Variants in DPH6 observed in about 807,000 individuals in gnomAD.
The protein encoded by DPH6 is diphthamine biosynthesis 6.
DPH6 carries 33 observed loss-of-function variants against 38.2 expected under a neutral mutation model. The observed-to-expected ratio is 0.86, with a 90% CI of 0.65 to 1.15. The LOEUF is 1.15. DPH6 is among the 50% of genes most tolerant of loss of function. DPH6 has a pLI of 0.00. For synonymous variants in DPH6, 108 were observed against 103.0 expected, an observed-to-expected ratio of 1.05 and a Z score of -0.30; for missense variants, 325 against 320.0, an observed-to-expected ratio of 1.02 and a Z score of -0.12.
At chr15:35,520,371 A>T (rs1337603251) in intron 3 of DPH6, 13 of 982,870 alleles carry the variant, frequency 1.3e-5, no homozygotes, top group African/African-American at 1.7e-5. Context: ...ATTATACAAC[A>T]GTATCAGGAT....
chr15:35,258,393 A>G (rs952153915), intron 3 of DPH6, among the ~76,000 whole-genome samples: 2 of 152,220 alleles, frequency 1.3e-5, no homozygotes, highest in African/African-American at 2.4e-5. Flanking sequence ...TCACTGTGAC[A>G]TTAGTTGGCT....
intron 3 of DPH6, chr15:35,282,960 G>A: frequency 3.3e-6 from 1 of 304,028 alleles, no homozygotes; most frequent in South Asian, 4.0e-5. Context: ...TTCAGGCTTG[G>A]CCTGCACATC....
intron 3 of DPH6, among the ~76,000 whole-genome samples, chr15:35,266,025 C>CAAAA (rs2051782202): frequency 6.6e-6 from 1 of 152,094 alleles, no homozygotes. Context: ...GTGTCCTTTA[C>CAAAA]AAAATGTTCT....
intron 6 of DPH6, among the ~76,000 whole-genome samples, chr15:35,409,183 G>C (rs966549131): frequency 6.6e-6 from 1 of 151,630 alleles, no homozygotes; most frequent in Admixed American, 6.6e-5. Flanking sequence ...TAGTAGGGGT[G>C]GTGCTGGGGT....
downstream of DPH6, among the ~76,000 whole-genome samples, chr15:35,329,882 G>C (rs1376202275): frequency 6.6e-6 from 1 of 152,054 alleles, no homozygotes; most frequent in East Asian, 1.9e-4. Context: ...GAAAGAAATA[G>C]GCTGCTGGAC....
intron 3 of DPH6, among the ~76,000 whole-genome samples, chr15:35,307,680 G>C (rs1013427918): frequency 6.6e-6 from 1 of 152,044 alleles, no homozygotes; most frequent in African/African-American, 2.4e-5. Context: ...AAAGGACCAT[G>C]CTACTACTTT....
At chr15:35,307,969 T>C (rs1406884227) in intron 3 of DPH6, among the ~76,000 whole-genome samples, 2 of 152,086 alleles carry the variant, frequency 1.3e-5, no homozygotes, top group Non-Finnish European at 2.9e-5. Context: ...ACAATTAACC[T>C]CTGAGGAAAT....
At chr15:35,331,748 G>A (rs1213304599) in intron 3 of DPH6, among the ~76,000 whole-genome samples, 6 of 152,128 alleles carry the variant, frequency 3.9e-5, no homozygotes, top group Non-Finnish European at 8.8e-5. Context: ...TGTAGAATGT[G>A]CCCTAAAATT....
At position 35,228,058 on chromosome 15, in the gene DPH6, G is replaced by T. The variant is rs565947423; in HGVS notation, n.201-7476C>A. ...GACCTAATATATGGTTTTTCCTTTA[G>T]AAAGATTCATGTTCTAAAGAAAATA... On this transcript the variant is annotated intron_variant and non_coding_transcript_variant, in intron 3 of 3. Transcript: ENST00000560386. 1.5e-4 allele frequency among the ~76,000 whole-genome samples: 23 copies of T among 152,052 alleles called. 1 individual carries two copies. Among genetic ancestry groups the T allele is most frequent in the African/African-American group, 4.6e-4 (19 of 41,490 alleles).
intron 3 of DPH6, 46 bp from the exon 4 acceptor site, chr15:35,454,866 AT>A: frequency 7.4e-7 from 1 of 1,359,872 alleles, no homozygotes; most frequent in Non-Finnish European, 1.0e-6. Context: ...AAAGTAACAA[AT>A]GGCTCCACAT....
At chr15:35,253,846 G>C (rs1257949278) in intron 3 of DPH6, among the ~76,000 whole-genome samples, 3 of 152,198 alleles carry the variant, frequency 2.0e-5, no homozygotes, top group Admixed American at 2.0e-4. Flanking sequence ...TGAGGCGGCA[G>C]AACGTCAACA....
exon 4 of DPH6, chr15:35,217,479 G>C (rs1163782692): frequency 1.3e-5 from 2 of 152,256 alleles, no homozygotes; most frequent in African/African-American, 4.8e-5. Context: ...AGCCTCCCAA[G>C]TAGCTGGGAT....
At chr15:35,385,512 G>T (rs1031099552) in intron 6 of DPH6, among the ~76,000 whole-genome samples, 1 of 152,056 alleles carries the variant, frequency 6.6e-6, no homozygotes, top group Non-Finnish European at 1.5e-5. Context: ...ACTAACACAG[G>T]AACAGAAAAC....
chr15:35,302,652 C>A (rs1289552270), intron 3 of DPH6, among the ~76,000 whole-genome samples: 1 of 152,132 alleles, frequency 6.6e-6, no homozygotes, highest in Non-Finnish European at 1.5e-5. Flanking sequence ...GGGATTAATT[C>A]TGTGGTATAA....
intron 5 of DPH6, among the ~76,000 whole-genome samples, chr15:35,419,578 T>C (rs918987585): frequency 1.1e-4 from 16 of 152,078 alleles, no homozygotes; most frequent in African/African-American, 3.6e-4. Flanking sequence ...AACACCCTTA[T>C]AGACTAAAGG....
At chr15:35,402,086 G>A (rs1211722029) in intron 6 of DPH6, among the ~76,000 whole-genome samples, 2 of 152,110 alleles carry the variant, frequency 1.3e-5, no homozygotes, top group African/African-American at 2.4e-5. Context: ...TAATTGTCAC[G>A]CTGAATAAAT....
intron 3 of DPH6, among the ~76,000 whole-genome samples, chr15:35,530,585 C>T (rs917514424): frequency 6.6e-6 from 1 of 152,080 alleles, no homozygotes; most frequent in Non-Finnish European, 1.5e-5. Flanking sequence ...AATATATACA[C>T]ACAATCACTG....
At chr15:35,440,226 G>A (rs2053769368) in intron 5 of DPH6, among the ~76,000 whole-genome samples, 1 of 152,162 alleles carries the variant, frequency 6.6e-6, no homozygotes, top group East Asian at 1.9e-4. Flanking sequence ...CCCATAACCT[G>A]GAGGTTTCCT....
At chr15:35,369,329 T>C (rs149687386), downstream of DPH6, among the ~76,000 whole-genome samples, 86 of 151,958 alleles carry the variant, frequency 5.7e-4, no homozygotes, top group Admixed American at 9.8e-4. Context: ...ATTCTAGATA[T>C]TACTAATATT....
Sources: allele counts gnomAD v4.1 joint callset (sites outside exome capture counted in the v4.1 genomes callset), GRCh38; gene constraint gnomAD v4.1.1; transcripts MANE v1.5; gene names NCBI Gene and HGNC (gene_info 2026-07-23, HGNC 2026-07-21).